Variants in EPB41L4B observed in about 807,000 individuals in gnomAD.
The protein encoded by EPB41L4B is erythrocyte membrane protein band 4.1 like 4B.
EPB41L4B carries 30 observed loss-of-function variants against 112.5 expected under a neutral mutation model. The ratio of observed to expected loss-of-function variants is 0.27; its 90% CI spans 0.20 to 0.36. The LOEUF (loss-of-function observed/expected upper bound fraction) is 0.36. Among genes scored for constraint, EPB41L4B ranks in the 10% least tolerant of loss-of-function variants. The pLI is 1.00. For synonymous variants in EPB41L4B, 408 were observed against 439.7 expected (o/e 0.93, Z 0.90); for missense variants, 1,024 against 1,133.3 (o/e 0.90, Z 1.38).
chr9:109,315,681 GA>G (rs1189039007), intron 1 of EPB41L4B, among the ~76,000 whole-genome samples: 1 of 152,134 alleles, frequency 6.6e-6, no homozygotes, highest in Non-Finnish European at 1.5e-5. Context: ...ATGGGCCGGG[GA>G]GGTGCTGTCC....
chr9:109,261,913 A>G (rs1386041431), intron 6 of EPB41L4B, among the ~76,000 whole-genome samples: 3 of 152,244 alleles, frequency 2.0e-5, no homozygotes, highest in African/African-American at 4.8e-5. Flanking sequence ...TTATGAATGA[A>G]TATGTCATAA....
chr9:109,304,545 A>G (rs146906836), intron 1 of EPB41L4B, among the ~76,000 whole-genome samples: 316 of 152,322 alleles, frequency 2.1e-3, no homozygotes, highest in Admixed American at 5.2e-3. Flanking sequence ...TCTAAAGGTC[A>G]AAGTCAACAG....
At chr9:109,188,308 GA>G (rs1397243719) in intron 22 of EPB41L4B, among the ~76,000 whole-genome samples, 1 of 152,156 alleles carries the variant, frequency 6.6e-6, no homozygotes, top group Non-Finnish European at 1.5e-5. Context: ...CTGAGGCTGG[GA>G]AGCAGGGACT....
intron 2 of EPB41L4B, among the ~76,000 whole-genome samples, chr9:109,275,143 G>T (rs868678780): frequency 6.6e-6 from 1 of 152,216 alleles, no homozygotes; most frequent in Non-Finnish European, 1.5e-5. Flanking sequence ...ATATCAATAC[G>T]CTTTGACAGT....
intron 7 of EPB41L4B, among the ~76,000 whole-genome samples, 162 bp downstream of exon 7, chr9:109,258,015 T>C (rs1835048848): frequency 6.6e-6 from 1 of 152,150 alleles, no homozygotes. Flanking sequence ...GGACAAGATG[T>C]GGGCCTTTGG....
rs770380891 is a variant in EPB41L4B, at chr9:109,253,474, G to T, written c.1246C>A (p.Arg416Ser). ...TSTFERKPSK[R>S]YPSRRHSTFK... is the part of the protein sequence containing the mutation. ...GTTGAATGTCTCCGGGATGGATAAC[G>T]TTTACTAGGCTTCCTCTCAAAGGTG... Residue 416 changes from arginine (R) to serine (S), a missense_variant, in exon 12 of 26, where the codon CGT (arginine) becomes AGT (serine). Physicochemically the swap from Arg to Ser is moderately radical, Grantham distance 110 (BLOSUM62 -1). Coordinates refer to ENST00000374566, the MANE Select transcript of EPB41L4B (RefSeq NM_019114.5). The T allele has an allele frequency of 1.1e-5, 17 of 1,613,782 alleles. No homozygotes were observed. The highest frequency in any genetic ancestry group is 1.4e-5 in the Non-Finnish European group (17 of 1,179,708).
At chr9:109,287,015 G>C (rs764733710) in intron 1 of EPB41L4B, among the ~76,000 whole-genome samples, 12 of 152,158 alleles carry the variant, frequency 7.9e-5, no homozygotes, top group African/African-American at 1.4e-4. Flanking sequence ...ACCAACAACT[G>C]GTGTTTTTGA....
Position 109,219,800 on chromosome 9 carries a change from G to T in EPB41L4B, c.1410-2655C>A, listed in dbSNP as rs115966478. On this transcript the variant is annotated intron_variant, in intron 15 of 25. Coordinates refer to ENST00000374566, the MANE Select transcript of EPB41L4B (RefSeq NM_019114.5). ...TTTAAAAAATATTTAAAACCTTTTC[G>T]TGGGCCCCTGAAAGTATTGTGAGTC... Among the ~76,000 whole-genome samples, 4 of 151,702 alleles carry T rather than the reference G, an allele frequency of 2.6e-5. No individual in the cohort carries two copies. In the South Asian group the frequency reaches 8.3e-4, roughly 32 times the overall value.
intron 15 of EPB41L4B, among the ~76,000 whole-genome samples, chr9:109,238,952 G>A (rs1217164281): frequency 6.6e-6 from 1 of 152,250 alleles, no homozygotes; most frequent in African/African-American, 2.4e-5. Context: ...TAGAGCAAGA[G>A]GATGGAGACA....
intron 2 of EPB41L4B, among the ~76,000 whole-genome samples, chr9:109,272,526 G>A (rs1835662321): frequency 6.6e-6 from 1 of 152,078 alleles, no homozygotes; most frequent in African/African-American, 2.4e-5. Flanking sequence ...GCCAAGGCAG[G>A]TGGATCACTT....
At chr9:109,282,026 A>G (rs1475575785) in intron 1 of EPB41L4B, among the ~76,000 whole-genome samples, 1 of 152,272 alleles carries the variant, frequency 6.6e-6, no homozygotes, top group African/African-American at 2.4e-5. Flanking sequence ...AACAAAAGAC[A>G]GTATAACTGT....
intron 1 of EPB41L4B, 136 bp downstream of exon 1, chr9:109,320,005 G>C: frequency 1.4e-6 from 1 of 725,170 alleles, no homozygotes. Context: ...GGGTTGAGGA[G>C]TGCTCGGAGA....
chr9:109,185,640 G>A (rs1489421463), intron 22 of EPB41L4B, 35 bp from the exon 23 acceptor site: 1 of 1,530,778 alleles, frequency 6.5e-7, no homozygotes, highest in African/African-American at 1.4e-5. Context: ...GGGAGGAGGA[G>A]GTGGCAAGAG....
chr9:109,243,599 T>C lies in EPB41L4B; in HGVS notation c.1409+19A>G. The C allele has an allele frequency of 1.9e-6, 3 of 1,613,384 alleles. No individual in the cohort carries two copies. The highest frequency in any genetic ancestry group is 1.3e-5 in the African/African-American group (1 of 75,034). On this transcript the variant is annotated intron_variant, in intron 15 of 25. Coordinates refer to ENST00000374566, the MANE Select transcript of EPB41L4B (RefSeq NM_019114.5). The stretch of plus-strand genomic sequence containing the variant: ...AGGAAAGCTTTCGAAGGTGCAGCTC[T>C]GGAAGCACCAGCACTTACCTGACAT...
At chr9:109,210,950 C>T (rs1426175303) in intron 17 of EPB41L4B, among the ~76,000 whole-genome samples, 1 of 152,052 alleles carries the variant, frequency 6.6e-6, no homozygotes, top group African/African-American at 2.4e-5. Flanking sequence ...TGGAAATAGT[C>T]CGTCTGTTTG....
chr9:109,208,072 C>G, intron 17 of EPB41L4B, 23 bp from the exon 18 acceptor site: 2 of 1,613,346 alleles, frequency 1.2e-6, no homozygotes, highest in Non-Finnish European at 1.7e-6. Flanking sequence ...AAAATACAAA[C>G]AGCAGATTGT....
chr9:109,201,509 A>C (rs1462140423), intron 19 of EPB41L4B, among the ~76,000 whole-genome samples: 2 of 151,776 alleles, frequency 1.3e-5, no homozygotes, highest in Non-Finnish European at 2.9e-5. Flanking sequence ...GAGAAAATAG[A>C]GGATTTGAGT....
In EPB41L4B at chr9:109,247,796, A is replaced by G; in HGVS notation, c.1311-7T>C. 1 of 1,493,982 alleles carries G rather than the reference A, an allele frequency of 6.7e-7. No homozygotes were observed. The highest frequency in any genetic ancestry group is 2.5e-5 in the East Asian group (1 of 40,236). The allele number at this position is 1,493,982 out of a possible 1,614,324, so 92.5% of individuals were successfully genotyped here. On this transcript the variant is annotated splice_region_variant and splice_polypyrimidine_tract_variant and intron_variant, in intron 13 of 25. Transcript: ENST00000374566. ...TTCTGGATTTGTTTTAGAGCTAAAC[A>G]AACAAACAAACAAAAAACAGAAAAA...
At position 109,182,756 on chromosome 9, in the gene EPB41L4B, A is replaced by G. The variant is rs1588116674; in HGVS notation, c.2460T>C (p.Asp820=). Residue 820 remains aspartate (D), a synonymous_variant, in exon 24 of 26, where the codon GAT becomes GAC. Transcript: ENST00000374566. ...TAAACTGTGGCCCTGTGGTGAAAGT[A>G]TCAGGAAACGGGTTCATTGTATCAA... The part of the protein sequence containing the change: ...FPVDTMNPFP[D]TFTTGPQFTA... The G allele has an allele frequency of 3.1e-6, 5 of 1,612,934 alleles. No individual in the cohort carries two copies. The highest frequency in any genetic ancestry group is 4.5e-5 in the East Asian group (2 of 44,886).
Sources: gnomAD v4.1 joint callset for allele counts (sites outside exome capture counted in the v4.1 genomes callset) on GRCh38, gnomAD v4.1.1 for gene constraint, MANE v1.5 for transcripts, NCBI Gene and HGNC (gene_info 2026-07-23, HGNC 2026-07-21) for gene names.